PHACTR2: variants seen among roughly 807,000 people sequenced by gnomAD.
PHACTR2 encodes the protein phosphatase and actin regulator 2, also known as chromosome 6 open reading frame 56.
A neutral mutation model predicts 76.0 loss-of-function variants in PHACTR2; 30 were observed. The observed-to-expected ratio is 0.39, with a 90% CI of 0.30 to 0.54. The LOEUF is 0.54. Ranked by LOEUF, PHACTR2 falls within the 20% of genes least tolerant of loss-of-function variation. PHACTR2 has a pLI of 0.61. For synonymous variants in PHACTR2, 292 were observed against 292.5 expected, an observed-to-expected ratio of 1.00 and a Z score of 0.02; for missense variants, 696 against 781.1, an observed-to-expected ratio of 0.89 and a Z score of 1.30.
intron 11 of PHACTR2, among the ~76,000 whole-genome samples, chr6:143,796,411 CTTTCTTTG>C (rs200952698): frequency 0.14 from 16,461 of 117,994 alleles, 1,175 homozygotes; most frequent in East Asian, 0.3. Context: ...TTCTTTCTTT[CTTTCTTTG>C]TTTTTATTAT....
intron 10 of PHACTR2, among the ~76,000 whole-genome samples, chr6:143,786,840 C>T (rs901005545): frequency 6.6e-6 from 1 of 152,182 alleles, no homozygotes; most frequent in Admixed American, 6.5e-5. Context: ...TGGGTCCCTC[C>T]CACAACATGT....
Position 143,678,665 on chromosome 6 carries a change from G to C in PHACTR2, c.46+456G>C, listed in dbSNP as rs1379106408. ...GTTATTCGGAGTAGAAGCGCTGATC[G>C]CCTTATCCTGGCAGACGCTGAATAC... On this transcript the variant is annotated intron_variant, in intron 1 of 12. Transcript: ENST00000440869. The surrounding 1 kb of genome is among the most constrained non-coding windows in gnomAD (Gnocchi z 6.2). 6.6e-6 allele frequency among the ~76,000 whole-genome samples: 1 copy of C among 152,222 alleles called. No homozygotes were observed. Among genetic ancestry groups the C allele is most frequent in the African/African-American group, 2.4e-5 (1 of 41,458 alleles).
At chr6:143,542,957 G>C (rs1356688035) in intron 1 of PHACTR2, among the ~76,000 whole-genome samples, 1 of 152,190 alleles carries the variant, frequency 6.6e-6, no homozygotes, top group East Asian at 1.9e-4. Flanking sequence ...CATTCAATTA[G>C]TCTTTATTGA....
intron 1 of PHACTR2, among the ~76,000 whole-genome samples, chr6:143,563,359 T>C (rs1775308229): frequency 6.6e-6 from 1 of 150,418 alleles, no homozygotes; most frequent in Admixed American, 6.6e-5. Flanking sequence ...GGTCAGCAGA[T>C]CGAGACCATC....
chr6:143,646,240 A>G lies in PHACTR2; in HGVS notation c.13+37918A>G, dbSNP rs953917692. On this transcript the variant is annotated intron_variant, in intron 1 of 11. Transcript: ENST00000305766. This position sits in a 1 kb window ranked among gnomAD's most constrained non-coding sequence, Gnocchi z 4.1. ...GCCCCAAATCTAGGGTTTTATTTTC[A>G]TTGTTAGAGTGTCTATGTCTATGTC... is the stretch of plus-strand genomic sequence containing the variant. 3.3e-5 allele frequency among the ~76,000 whole-genome samples: 5 copies of G among 152,170 alleles called. No individual in the cohort carries two copies. The highest frequency in any genetic ancestry group is 1.2e-4 in the African/African-American group (5 of 41,448).
rs1200596969 is a variant in PHACTR2, at chr6:143,755,214, A to G, written c.454+1302A>G. 4.4e-6 allele frequency: 2 copies of G among 451,176 alleles called. No individual in the cohort carries two copies. Among genetic ancestry groups the G allele is most frequent in the Admixed American group, 4.8e-5 (2 of 42,062 alleles). The allele number at this position is 451,176 out of a possible 1,614,324, so 27.9% of individuals were successfully genotyped here. A position where few individuals can be genotyped will look rare whatever the true frequency, so the allele number is the denominator to read the frequency against. On this transcript the variant is annotated intron_variant, in intron 4 of 12. Transcript: ENST00000440869. This position sits in a 1 kb window ranked among gnomAD's most constrained non-coding sequence, Gnocchi z 5.2. ...TATTCCTGGAACATAAAAAGAAAGTAGACTTAAATAAATTTTAGTGGGATT... is the reference window on the plus strand; with the variant it reads ...TATTCCTGGAACATAAAAAGAAAGTGGACTTAAATAAATTTTAGTGGGATT...
At chr6:143,573,780 T>C (rs534213107) in intron 1 of PHACTR2, among the ~76,000 whole-genome samples, 1 of 152,342 alleles carries the variant, frequency 6.6e-6, no homozygotes, top group East Asian at 1.9e-4. Flanking sequence ...CTGCCTTTCT[T>C]ATATTTGTAT....
In PHACTR2 at chr6:143,698,359, A is replaced by G. The variant is rs940695436; in HGVS notation, c.47-13657A>G. ...AATCAATGCTAAAGGCATCATTATTATAAAATTATTTTTTTAAAAAGCAAC... is the reference window on the plus strand; with the variant it reads ...AATCAATGCTAAAGGCATCATTATTGTAAAATTATTTTTTTAAAAAGCAAC... On this transcript the variant is annotated intron_variant, in intron 1 of 12. Transcript: ENST00000440869. This position sits in a 1 kb window ranked among gnomAD's most constrained non-coding sequence, Gnocchi z 4.3. Among the ~76,000 whole-genome samples, 1 of 152,254 alleles carries G rather than the reference A, an allele frequency of 6.6e-6. No homozygotes were observed. The highest frequency in any genetic ancestry group is 1.5e-5 in the Non-Finnish European group (1 of 68,050).
intron 2 of PHACTR2, among the ~76,000 whole-genome samples, chr6:143,729,735 A>G (rs1562285185): frequency 6.6e-6 from 1 of 152,174 alleles, no homozygotes; most frequent in South Asian, 2.1e-4. Flanking sequence ...TGAGAGTATT[A>G]TATCTTCTAG....
In PHACTR2 at chr6:143,583,884, G is replaced by A. The variant is rs556980585; in HGVS notation, c.217+46677G>A. 1.3e-5 allele frequency among the ~76,000 whole-genome samples: 2 copies of A among 152,340 alleles called. No homozygotes were observed. The highest frequency in any genetic ancestry group is 2.9e-5 in the Non-Finnish European group (2 of 68,030). ...AAGGAGGACTTCCAGAATTCTGAGA[G>A]GTCTAGAGTGCTGGGACGGTGTCTT... On this transcript the variant is annotated intron_variant, in intron 1 of 11. Transcript: ENST00000367584. This position sits in a 1 kb window ranked among gnomAD's most constrained non-coding sequence, Gnocchi z 4.0.
chr6:143,715,645 C>T (rs903308489), intron 2 of PHACTR2, among the ~76,000 whole-genome samples: 1 of 152,122 alleles, frequency 6.6e-6, no homozygotes, highest in Non-Finnish European at 1.5e-5. Flanking sequence ...AGGTAGGGTA[C>T]TAATAAATGC....
In PHACTR2 at chr6:143,767,869, G is replaced by A. The variant is rs1438810891; in HGVS notation, c.1232+2071G>A. 1.3e-5 allele frequency among the ~76,000 whole-genome samples: 2 copies of A among 152,056 alleles called. No homozygotes were observed. Among genetic ancestry groups the A allele is most frequent in the African/African-American group, 4.8e-5 (2 of 41,394 alleles). On this transcript the variant is annotated intron_variant, in intron 6 of 12. Transcript: ENST00000440869. The surrounding 1 kb of genome is among the most constrained non-coding windows in gnomAD (Gnocchi z 4.4). ...GTTTTGTTTTTTGAGACAGAATCTTGCACTGTCACCCAGGCTGGAGTACAG... is the reference window on the plus strand; with the variant it reads ...GTTTTGTTTTTTGAGACAGAATCTTACACTGTCACCCAGGCTGGAGTACAG...
At chr6:143,721,624 T>C (rs369225893) in intron 2 of PHACTR2, among the ~76,000 whole-genome samples, 6 of 145,576 alleles carry the variant, frequency 4.1e-5, no homozygotes, top group African/African-American at 1.1e-4. Flanking sequence ...CCAGTCTTTC[T>C]AACTATCTTC....
chr6:143,719,550 A>G (rs1336631673), intron 2 of PHACTR2, among the ~76,000 whole-genome samples: 2 of 149,036 alleles, frequency 1.3e-5, no homozygotes, highest in East Asian at 2.1e-4. Flanking sequence ...GGGTTTCACC[A>G]TGTTAGCCAG....
At chr6:143,638,664 T>C (rs1776511566) in intron 1 of PHACTR2, among the ~76,000 whole-genome samples, 1 of 152,100 alleles carries the variant, frequency 6.6e-6, no homozygotes, top group Non-Finnish European at 1.5e-5. Flanking sequence ...CCCAAATGTA[T>C]ATTTGCTTAA....
At position 143,751,624 on chromosome 6, in the gene PHACTR2, A is replaced by G. The variant is rs1779183198; in HGVS notation, c.296-2130A>G. On this transcript the variant is annotated intron_variant, in intron 3 of 12. Coordinates refer to ENST00000440869, the MANE Select transcript of PHACTR2 (RefSeq NM_001100164.2). This position sits in a 1 kb window ranked among gnomAD's most constrained non-coding sequence, Gnocchi z 5.7. ...ACACCCTCGTGTTCCTTATTTAACC[A>G]CTTGTTCCTGTTTGTGCTTTATCTC... Among the ~76,000 whole-genome samples, 1 of 151,718 alleles carries G rather than the reference A, an allele frequency of 6.6e-6. No homozygotes were observed. The highest frequency in any genetic ancestry group is 2.4e-5 in the African/African-American group (1 of 41,272).
At chr6:143,769,735 T>C (rs1214033650) in intron 6 of PHACTR2, among the ~76,000 whole-genome samples, 3 of 152,186 alleles carry the variant, frequency 2.0e-5, no homozygotes, top group Non-Finnish European at 4.4e-5. Flanking sequence ...AATAAAGGAC[T>C]CATCTCTCAA....
chr6:143,810,485 A>AACAAT, intron 12 of PHACTR2: 1 of 422,132 alleles, frequency 2.4e-6, no homozygotes, highest in Non-Finnish European at 4.8e-6. Flanking sequence ...CTAAAGGATG[A>AACAAT]ACAATAATAC....
At chr6:143,759,545 A>G (rs1308226806) in intron 4 of PHACTR2, among the ~76,000 whole-genome samples, 1 of 151,838 alleles carries the variant, frequency 6.6e-6, no homozygotes, top group Non-Finnish European at 1.5e-5. Context: ...TCTCAGCTAC[A>G]CAGGAGGCTG....
Sources: allele counts gnomAD v4.1 joint callset (sites outside exome capture counted in the v4.1 genomes callset), GRCh38; gene constraint gnomAD v4.1.1; non-coding constraint Gnocchi (gnomAD v3.1); transcripts MANE v1.5; gene names NCBI Gene and HGNC (gene_info 2026-07-23, HGNC 2026-07-21).